Variants in MINDY2 observed in about 807,000 individuals in gnomAD.
MINDY2 encodes MINDY lysine 48 deubiquitinase 2.
A neutral mutation model predicts 68.2 loss-of-function variants in MINDY2; 52 were observed. The observed-to-expected ratio is 0.76, with a 90% CI of 0.61 to 0.96. The LOEUF (loss-of-function observed/expected upper bound fraction) is 0.96. Among genes scored for constraint, MINDY2 ranks in the 40% least tolerant of loss-of-function variants. The pLI is 0.00. For synonymous variants in MINDY2, 372 were observed against 303.0 expected (o/e 1.23, Z -2.36); for missense variants, 881 against 773.4 (o/e 1.14, Z -1.65).
Position 58,772,150 on chromosome 15 carries a change from A to T in MINDY2, c.755A>T (p.Glu252Val), listed in dbSNP as rs1473257818. Residue 252 changes from glutamate to valine, a missense_variant, in exon 1 of 9, where the codon GAA becomes GTA. Coordinates refer to ENST00000559228, the MANE Select transcript of MINDY2 (RefSeq NM_001040450.3). ...VYHIKWIQWK[E>V]ENTPIITQNE... ...CACATCAAGTGGATCCAGTGGAAGG[A>T]AGAGAACACACCCATCATCACCCAG... is the stretch of plus-strand genomic sequence containing the variant. The T allele has an allele frequency of 2.5e-6, 4 of 1,613,966 alleles. No individual in the cohort carries two copies. The highest frequency in any genetic ancestry group is 1.7e-5 in the Admixed American group (1 of 59,992).
intron 6 of MINDY2, among the ~76,000 whole-genome samples, chr15:58,844,283 C>T (rs2141050890): frequency 6.6e-6 from 1 of 152,174 alleles, no homozygotes; most frequent in South Asian, 2.1e-4. Flanking sequence ...CACGGTGGCT[C>T]ACGCCTGTAA....
At chr15:58,802,495 T>C in intron 3 of MINDY2, 118 bp downstream of exon 3, 1 of 576,446 alleles carries the variant, frequency 1.7e-6, no homozygotes, top group Non-Finnish European at 3.0e-6. Flanking sequence ...CTTTAGACTT[T>C]GCAAGCCACA....
intron 1 of MINDY2, among the ~76,000 whole-genome samples, chr15:58,782,330 T>G (rs1595702882): frequency 3.9e-5 from 6 of 152,304 alleles, no homozygotes; most frequent in Admixed American, 1.3e-4. Context: ...TGACTATTAT[T>G]TAGTGCGTCC....
At chr15:58,823,489 T>C (rs2031201092) in intron 5 of MINDY2, among the ~76,000 whole-genome samples, 1 of 151,668 alleles carries the variant, frequency 6.6e-6, no homozygotes, top group East Asian at 1.9e-4. Context: ...GCCTGGGCAA[T>C]GTAGCAAGAT....
rs1900405169 is a variant in MINDY2 at position 58,771,654 on chromosome 15, T to G, written c.259T>G (p.Leu87Val). 2.5e-6 allele frequency: 4 copies of G among 1,612,534 alleles called. No individual in the cohort carries two copies. Among genetic ancestry groups the G allele is most frequent in the Non-Finnish European group, 3.4e-6 (4 of 1,179,878 alleles). ...GPCSSSAGLDLKDSGLESPAA... is the reference protein window; with the variant it reads ...GPCSSSAGLDVKDSGLESPAA... ...CTGCAGCTCCTCCGCGGGTTTGGAC[T>G]TGAAGGACAGTGGTTTGGAGAGTCC... The change falls in exon 1 of 9, where the codon TTG becomes GTG. Residue 87 changes from leucine (L) to valine (V), a missense_variant. Transcript: ENST00000559228.
At chr15:58,793,349 A>G (rs1197385134) in intron 2 of MINDY2, among the ~76,000 whole-genome samples, 1 of 151,912 alleles carries the variant, frequency 6.6e-6, no homozygotes, top group Non-Finnish European at 1.5e-5. Flanking sequence ...CTACTTGGGA[A>G]ACTGAGGAGG....
At position 58,771,845 on chromosome 15, in the gene MINDY2, G is replaced by C. The variant is rs201095543; in HGVS notation, c.450G>C (p.Glu150Asp). ...AACTGACCGCCGCCGGCTCCGAAGA[G>C]CCCAGCAGCGCCGGCGGCCTCAGCA... is the stretch of plus-strand genomic sequence containing the variant. ...QAELTAAGSE[E>D]PSSAGGLSSS... Residue 150 changes from glutamate (E) to aspartate (D), a missense_variant, in exon 1 of 9, where the codon GAG becomes GAC. Transcript: ENST00000559228. The C allele has an allele frequency of 1.9e-6, 3 of 1,597,340 alleles. No individual in the cohort carries two copies. The East Asian group carries it at 6.7e-5, about 36-fold the overall frequency.
At chr15:58,836,794 T>A (rs2032018206) in intron 6 of MINDY2, among the ~76,000 whole-genome samples, 1 of 151,368 alleles carries the variant, frequency 6.6e-6, no homozygotes, top group Admixed American at 6.6e-5. Context: ...AATTTAAAAT[T>A]TTTTTTTTAG....
intron 7 of MINDY2, among the ~76,000 whole-genome samples, chr15:58,849,043 C>T (rs2032682602): frequency 6.6e-6 from 1 of 151,928 alleles, no homozygotes; most frequent in Non-Finnish European, 1.5e-5. Context: ...AACCCTGTCT[C>T]TACTAAACAT....
intron 6 of MINDY2, among the ~76,000 whole-genome samples, chr15:58,839,168 C>G (rs1223620201): frequency 1.3e-5 from 2 of 151,712 alleles, no homozygotes; most frequent in Non-Finnish European, 2.9e-5. Flanking sequence ...TTTTGGAATT[C>G]TAGAGATGTT....
Position 58,854,900 on chromosome 15 carries a change from A to G in MINDY2, c.*290A>G, listed in dbSNP as rs1332487723. The G allele has an allele frequency of 4.5e-6, 1 of 223,462 alleles. No homozygotes were observed. The highest frequency in any genetic ancestry group is 9.0e-6 in the Non-Finnish European group (1 of 110,742). The allele number at this position is 223,462 out of a possible 1,614,324, so 13.8% of individuals were successfully genotyped here. A position where few individuals can be genotyped will look rare whatever the true frequency, so the allele number is the denominator to read the frequency against. On this transcript the variant is annotated 3_prime_UTR_variant, in exon 9 of 9. Coordinates refer to ENST00000559228, the MANE Select transcript of MINDY2 (RefSeq NM_001040450.3). ...CAAATCACAGCAAATTTTGTGTCAT[A>G]GTGACATTCATAACTCATATCAGTT...
intron 3 of MINDY2, 140 bp from the exon 4 acceptor site, chr15:58,810,090 A>T: frequency 1.3e-6 from 1 of 743,174 alleles, no homozygotes; most frequent in Non-Finnish European, 2.2e-6. Flanking sequence ...CACATAGTAG[A>T]TACTCAATAA....
At chr15:58,848,918 A>C (rs2140861266) in intron 7 of MINDY2, among the ~76,000 whole-genome samples, 1 of 152,174 alleles carries the variant, frequency 6.6e-6, no homozygotes, top group East Asian at 1.9e-4. Context: ...ATTCTATATA[A>C]AAAATACTGG....
At chr15:58,789,362 G>T (rs1469413575) in intron 2 of MINDY2, among the ~76,000 whole-genome samples, 1 of 152,020 alleles carries the variant, frequency 6.6e-6, no homozygotes, top group Non-Finnish European at 1.5e-5. Flanking sequence ...CTTATCAACT[G>T]GTTAATTTGT....
At position 58,781,055 on chromosome 15, in the gene MINDY2, A is replaced by AT. The variant is rs201302916; in HGVS notation, c.841-6841dup. On this transcript the variant is annotated intron_variant, in intron 1 of 8. Coordinates refer to ENST00000559228, the MANE Select transcript of MINDY2 (RefSeq NM_001040450.3). Reference sequence around the variant, plus strand: ...GGAAGATGCCTTCTTTTACTAGTTAATTTTTTTTTTCCAGACAGTGTTTCA... The same window carrying AT: ...GGAAGATGCCTTCTTTTACTAGTTAATTTTTTTTTTTCCAGACAGTGTTTCA... Among the ~76,000 whole-genome samples the AT allele has an allele frequency of 5.5e-3, 824 of 150,388 alleles. 5 individuals carry two copies. The highest frequency in any genetic ancestry group is 9.1e-3 in the Non-Finnish European group (613 of 67,406).
At chr15:58,847,494 T>C (rs1567076402) in intron 7 of MINDY2, 24 bp downstream of exon 7, 4 of 1,499,986 alleles carry the variant, frequency 2.7e-6, no homozygotes, top group African/African-American at 1.4e-5. Context: ...GTCGTCTTTA[T>C]AGTGGTTAAA....
intron 6 of MINDY2, among the ~76,000 whole-genome samples, chr15:58,844,552 T>TGAGACCCTG (rs1276773041): frequency 4.9e-5 from 4 of 80,892 alleles, no homozygotes; most frequent in Middle Eastern, 0.01. Flanking sequence ...AGAGCGAGAC[T>TGAGACCCTG]CCGTCTCAAA....
rs553608293 is a variant in MINDY2, at chr15:58,777,688, A to G, written c.840+5453A>G. On this transcript the variant is annotated intron_variant, in intron 1 of 8. Transcript: ENST00000559228. ...GTTGAGCTGTGATGCTCTAACATCA[A>G]GAAAGACATCTATTTATTACATTTA... Among the ~76,000 whole-genome samples, 7 of 152,318 alleles carry G rather than the reference A, an allele frequency of 4.6e-5. No homozygotes were observed. The South Asian group carries it at 1.4e-3, about 32-fold the overall frequency.
intron 2 of MINDY2, among the ~76,000 whole-genome samples, chr15:58,794,731 T>C (rs1902169396): frequency 6.6e-6 from 1 of 152,000 alleles, no homozygotes; most frequent in Non-Finnish European, 1.5e-5. Flanking sequence ...GAGAACTGCA[T>C]TGTCGTCAAG....
Sources: allele counts gnomAD v4.1 joint callset (sites outside exome capture counted in the v4.1 genomes callset), GRCh38; gene constraint gnomAD v4.1.1; transcripts MANE v1.5; gene names NCBI Gene and HGNC (gene_info 2026-07-23, HGNC 2026-07-21).